CCDC175: variants seen among roughly 807,000 people sequenced by gnomAD.
The protein encoded by CCDC175 is coiled-coil domain containing 175.
In CCDC175, 100 loss-of-function variants were observed where a neutral mutation model predicts 114.6. The observed-to-expected ratio is 0.87, with a 90% confidence interval of 0.74 to 1.03. CCDC175 has a LOEUF of 1.03. Among genes scored for constraint, CCDC175 ranks in the 50% least tolerant of loss-of-function variants. The pLI, the probability that CCDC175 is intolerant of heterozygous loss-of-function variation, is 0.00. For synonymous variants in CCDC175, 306 were observed against 308.7 expected (o/e 0.99, Z 0.09); for missense variants, 880 against 917.8 (o/e 0.96, Z 0.53).
chr14:59,527,051 T>C, intron 15 of CCDC175, 44 bp downstream of exon 15: 4 of 1,079,096 alleles, frequency 3.7e-6, no homozygotes, highest in Non-Finnish European at 5.2e-6. Flanking sequence ...TATACCACTA[T>C]TCTAATAATA....
intron 6 of CCDC175, 68 bp downstream of exon 6, chr14:59,563,669 A>T: frequency 2.0e-6 from 2 of 985,798 alleles, no homozygotes; most frequent in Non-Finnish European, 2.7e-6. Context: ...GATGAATTAC[A>T]ATCAACTCCT....
chr14:59,533,871 C>A (rs1894225908), intron 13 of CCDC175, among the ~76,000 whole-genome samples: 3 of 151,886 alleles, frequency 2.0e-5, no homozygotes, highest in Admixed American at 2.0e-4. Flanking sequence ...CACCTGTAGT[C>A]CCAGCTACTT....
In CCDC175 at chr14:59,559,964, C is replaced by A. The variant is rs192383317; in HGVS notation, c.953+1155G>T. ...TCATCAACGTAGTGAGGTTTTTATT[C>A]ATAACAGCTAGAAATAATTTGAGGT... On this transcript the variant is annotated intron_variant, in intron 7 of 19. Coordinates refer to ENST00000537690, the MANE Select transcript of CCDC175 (RefSeq NM_001164399.2). Among the ~76,000 whole-genome samples, 77 of 152,204 alleles carry A rather than the reference C, an allele frequency of 5.1e-4. 1 individual carries two copies. In the East Asian group the frequency reaches 0.01, roughly 20 times the overall value.
intron 14 of CCDC175, among the ~76,000 whole-genome samples, chr14:59,529,687 C>G (rs1893948068): frequency 6.6e-6 from 1 of 152,122 alleles, no homozygotes; most frequent in Non-Finnish European, 1.5e-5. Context: ...AATGTCTTAT[C>G]TCTTCCAGTG....
chr14:59,560,570 G>A (rs1474356302), intron 7 of CCDC175, among the ~76,000 whole-genome samples: 4 of 152,168 alleles, frequency 2.6e-5, no homozygotes, highest in Non-Finnish European at 5.9e-5. Context: ...TCACCAAGAA[G>A]AGAATACTGT....
At chr14:59,544,315 C>T (rs1418940423) in intron 9 of CCDC175, among the ~76,000 whole-genome samples, 4 of 152,110 alleles carry the variant, frequency 2.6e-5, no homozygotes, top group East Asian at 3.9e-4. Flanking sequence ...TACAAGCACC[C>T]GCCACCATGC....
chr14:59,555,176 G>C (rs1450449798), intron 7 of CCDC175, among the ~76,000 whole-genome samples: 4 of 152,112 alleles, frequency 2.6e-5, no homozygotes, highest in Admixed American at 6.5e-5. Flanking sequence ...GAGAATTTTA[G>C]ACCAATATCC....
intron 11 of CCDC175, among the ~76,000 whole-genome samples, chr14:59,539,927 T>C (rs1405832471): frequency 2.0e-5 from 3 of 151,770 alleles, no homozygotes; most frequent in African/African-American, 7.3e-5. Context: ...CAAAATTAAC[T>C]GGGAGTGGTA....
At chr14:59,515,993 A>G (rs1341708351) in intron 17 of CCDC175, among the ~76,000 whole-genome samples, 3 of 152,240 alleles carry the variant, frequency 2.0e-5, no homozygotes, top group East Asian at 1.9e-4. Flanking sequence ...CAATCAAACT[A>G]GAACTCAGGA....
intron 8 of CCDC175, among the ~76,000 whole-genome samples, chr14:59,549,423 G>C (rs980857911): frequency 6.6e-6 from 1 of 152,184 alleles, no homozygotes; most frequent in Non-Finnish European, 1.5e-5. Flanking sequence ...TGCAGCAGGA[G>C]GATCACCTAG....
At position 59,576,596 on chromosome 14, in the gene CCDC175, C is replaced by T. The variant is rs1219159084; in HGVS notation, c.157+23G>A. On this transcript the variant is annotated intron_variant, in intron 1 of 19. Coordinates refer to ENST00000537690, the MANE Select transcript of CCDC175 (RefSeq NM_001164399.2). ...CGCCACCTCTGAGGAGACGTCCCTT[C>T]CAGCGCCCGAGGGGCGTCTTACCCA... 3 of 1,405,880 alleles carry T rather than the reference C, an allele frequency of 2.1e-6. No individual in the cohort carries two copies. In the Admixed American group the frequency reaches 1.0e-4, roughly 48 times the overall value. The allele number at this position is 1,405,880 out of a possible 1,614,324, so 87.1% of individuals were successfully genotyped here. A position where few individuals can be genotyped will look rare whatever the true frequency, so the allele number is the denominator to read the frequency against.
At chr14:59,521,729 A>C in intron 16 of CCDC175, 53 bp from the exon 17 acceptor site, 2 of 983,936 alleles carry the variant, frequency 2.0e-6, no homozygotes, top group South Asian at 2.8e-5. Context: ...CTATAGATAA[A>C]TTATCATGTA....
chr14:59,571,589 A>G (rs775194562), intron 3 of CCDC175, among the ~76,000 whole-genome samples: 5 of 152,210 alleles, frequency 3.3e-5, no homozygotes, highest in Non-Finnish European at 7.3e-5. Flanking sequence ...TTGGATAACA[A>G]CCAGATAAAA....
chr14:59,543,222 G>C (rs1894895575), intron 10 of CCDC175, 122 bp downstream of exon 10: 1 of 460,588 alleles, frequency 2.2e-6, no homozygotes, highest in Admixed American at 4.0e-5. Flanking sequence ...AACAGAGAGA[G>C]CTAGTTCTAA....
intron 3 of CCDC175, among the ~76,000 whole-genome samples, chr14:59,569,638 A>T (rs1289546627): frequency 3.3e-5 from 5 of 152,204 alleles, no homozygotes; most frequent in Admixed American, 1.3e-4. Context: ...TTTGGTGTAG[A>T]TTCTTCTAAA....
At chr14:59,519,955 C>A (rs1689791243) in intron 17 of CCDC175, among the ~76,000 whole-genome samples, 1 of 152,214 alleles carries the variant, frequency 6.6e-6, no homozygotes, top group Non-Finnish European at 1.5e-5. Flanking sequence ...TGAGGGCCAG[C>A]ATCAACTTCA....
chr14:59,538,230 A>G (rs1404491225), intron 12 of CCDC175, 76 bp from the exon 13 acceptor site: 11 of 1,265,516 alleles, frequency 8.7e-6, no homozygotes, highest in Non-Finnish European at 1.1e-5. Context: ...CCAGGAAATT[A>G]ATATCTCTTT....
intron 3 of CCDC175, among the ~76,000 whole-genome samples, chr14:59,570,141 C>G (rs12890018): frequency 0.91 from 138,534 of 152,142 alleles, 63,262 homozygotes; most frequent in East Asian, 1. Context: ...GCTCTTCATG[C>G]AGAGGTGCCT....
At chr14:59,556,810 T>A (rs567345907) in intron 7 of CCDC175, among the ~76,000 whole-genome samples, 8 of 152,276 alleles carry the variant, frequency 5.3e-5, no homozygotes, top group African/African-American at 1.9e-4. Context: ...GCAAAGTATA[T>A]GAACAGACAC....
Sources: gnomAD v4.1 joint callset for allele counts (sites outside exome capture counted in the v4.1 genomes callset) on GRCh38, gnomAD v4.1.1 for gene constraint, MANE v1.5 for transcripts, NCBI Gene and HGNC (gene_info 2026-07-23, HGNC 2026-07-21) for gene names.